The following AGAP1 variants were observed in gnomAD, a reference collection of about 807,000 sequenced individuals.
The protein encoded by AGAP1 is ArfGAP with GTPase domain, ankyrin repeat and PH domain 1.
Under a neutral mutation model 105.3 loss-of-function variants are expected in AGAP1, and 29 were observed. That is an observed-to-expected ratio of 0.28 (90% CI 0.21 to 0.38). The LOEUF is 0.38. AGAP1 is among the 10% of genes least tolerant of loss of function. AGAP1 has a pLI of 1.00. For synonymous variants in AGAP1, 509 were observed against 485.9 expected, an observed-to-expected ratio of 1.05 and a Z score of -0.63; for missense variants, 998 against 1,165.1, an observed-to-expected ratio of 0.86 and a Z score of 2.09.
rs139955516 is a variant in AGAP1 at position 235,729,222 on chromosome 2, G to A, written c.310+11578G>A. Among the ~76,000 whole-genome samples the A allele has an allele frequency of 4.1e-3, 620 of 152,240 alleles. 7 individuals carry two copies. The highest frequency in any genetic ancestry group is 0.014 in the African/African-American group (576 of 41,486). On this transcript the variant is annotated intron_variant, in intron 3 of 17. Transcript: ENST00000304032. This position sits in a 1 kb window ranked among gnomAD's most constrained non-coding sequence, Gnocchi z 5.0. ...TGAAGCCCCCTGCACTAACTAGGGC[G>A]TGTGCCCCTTGAGGAGCCGCATCCG...
At chr2:235,987,276 G>C (rs2055355133) in intron 13 of AGAP1, among the ~76,000 whole-genome samples, 1 of 151,904 alleles carries the variant, frequency 6.6e-6, no homozygotes, top group African/African-American at 2.4e-5. Flanking sequence ...AGATTTTCTA[G>C]TTTATTTGCA....
chr2:236,118,539 G>A (rs2059826825), intron 16 of AGAP1, among the ~76,000 whole-genome samples: 1 of 151,848 alleles, frequency 6.6e-6, no homozygotes, highest in South Asian at 2.1e-4. Flanking sequence ...ACAGGCGCCT[G>A]CCACCACACC....
chr2:235,774,782 A>T (rs1955734367), intron 6 of AGAP1, among the ~76,000 whole-genome samples: 1 of 152,172 alleles, frequency 6.6e-6, no homozygotes, highest in Non-Finnish European at 1.5e-5. Flanking sequence ...TAAAGTAATT[A>T]CTAACCTTTT....
At chr2:235,910,214 A>ATGGTGT (rs2051513092) in intron 11 of AGAP1, among the ~76,000 whole-genome samples, 1 of 5,666 alleles carries the variant, frequency 1.8e-4, no homozygotes, top group African/African-American at 1.8e-3. Context: ...GCTCCGCTGC[A>ATGGTGT]TAGTGTTAGG....
intron 13 of AGAP1, among the ~76,000 whole-genome samples, chr2:236,025,914 GGATGGATGGA>G (rs2057037354): frequency 2.2e-5 from 3 of 139,238 alleles, no homozygotes; most frequent in African/African-American, 5.4e-5. Flanking sequence ...GTGGGTGGAT[GGATGGATGGA>G]TGGATGGATG....
rs989557102 is a variant in AGAP1 at position 235,515,995 on chromosome 2, A to G, written c.163+21146A>G. Among the ~76,000 whole-genome samples, 3 of 151,974 alleles carry G rather than the reference A, an allele frequency of 2.0e-5. 1 individual carries two copies. The South Asian group carries it at 6.3e-4, about 32-fold the overall frequency. On this transcript the variant is annotated intron_variant, in intron 1 of 17. Coordinates refer to ENST00000304032, the MANE Select transcript of AGAP1 (RefSeq NM_001037131.3). Reference sequence around the variant, plus strand: ...GTAGCCCAGTCCTCCGAGTATCGTGACAGGTGGCTGGGTGCCTCAGTGCTC... The same window carrying G: ...GTAGCCCAGTCCTCCGAGTATCGTGGCAGGTGGCTGGGTGCCTCAGTGCTC...
chr2:236,043,771 C>T (rs1399712647), intron 15 of AGAP1, among the ~76,000 whole-genome samples: 1 of 151,056 alleles, frequency 6.6e-6, no homozygotes, highest in Non-Finnish European at 1.5e-5. Context: ...AAAGAAACTT[C>T]ATAATGTGTT....
chr2:236,069,832 G>C (rs952716596), intron 16 of AGAP1, among the ~76,000 whole-genome samples: 2 of 152,240 alleles, frequency 1.3e-5, no homozygotes, highest in Admixed American at 6.5e-5. Flanking sequence ...CTAGGGGATA[G>C]GGTTCTGATT....
chr2:235,944,210 G>A (rs887124307), intron 12 of AGAP1, among the ~76,000 whole-genome samples: 1 of 152,008 alleles, frequency 6.6e-6, no homozygotes, highest in African/African-American at 2.4e-5. Flanking sequence ...TAATTACATT[G>A]AGAAAACAGA....
At chr2:235,844,785 CAT>C (rs1241851323) in intron 9 of AGAP1, among the ~76,000 whole-genome samples, 1 of 152,210 alleles carries the variant, frequency 6.6e-6, no homozygotes, top group East Asian at 1.9e-4. Context: ...TGGTCCAAGA[CAT>C]AGCGTTGGTG....
In AGAP1 at chr2:235,612,080, G is replaced by A. The variant is rs1037329060; in HGVS notation, c.164-97099G>A. 2.6e-5 allele frequency among the ~76,000 whole-genome samples: 4 copies of A among 152,222 alleles called. No individual in the cohort carries two copies. Among genetic ancestry groups the A allele is most frequent in the African/African-American group, 9.6e-5 (4 of 41,468 alleles). On this transcript the variant is annotated intron_variant, in intron 1 of 17. Transcript: ENST00000304032. This position sits in a 1 kb window ranked among gnomAD's most constrained non-coding sequence, Gnocchi z 4.3. ...GTCTCACTGGAGAACAATCAGACAT[G>A]CTTTATTTTCTACTTGTAATCGTAA... is the stretch of plus-strand genomic sequence containing the variant.
At position 235,664,348 on chromosome 2, in the gene AGAP1, A is replaced by G. The variant is rs148242098; in HGVS notation, c.164-44831A>G. Among the ~76,000 whole-genome samples, 759 of 151,994 alleles carry G rather than the reference A, an allele frequency of 5.0e-3. 4 individuals carry two copies. The highest frequency in any genetic ancestry group is 0.017 in the African/African-American group (691 of 41,420). On this transcript the variant is annotated intron_variant, in intron 1 of 17. Transcript: ENST00000304032. The surrounding 1 kb of genome is among the most constrained non-coding windows in gnomAD (Gnocchi z 5.7). ...TACCTCAGCCCCCCAGGTAGCTGGG[A>G]TTACAGGTGCACACCACCACGCCCA...
chr2:235,807,031 G>C (rs1316707278), intron 8 of AGAP1, among the ~76,000 whole-genome samples: 1 of 152,004 alleles, frequency 6.6e-6, no homozygotes, highest in Non-Finnish European at 1.5e-5. Context: ...GGAAAAGTCA[G>C]GGGGAAAGTT....
rs2051045998 is a variant in AGAP1 at position 235,901,181 on chromosome 2, G to C, written c.1156-7557G>C. Reference sequence around the variant, plus strand: ...GAACGTTTGCTTGATCTTTTTGAATGGGTGGTCCTATATATGTCTTTATGA... The same window carrying C: ...GAACGTTTGCTTGATCTTTTTGAATCGGTGGTCCTATATATGTCTTTATGA... On this transcript the variant is annotated intron_variant, in intron 10 of 17. Coordinates refer to ENST00000304032, the MANE Select transcript of AGAP1 (RefSeq NM_001037131.3). This position sits in a 1 kb window ranked among gnomAD's most constrained non-coding sequence, Gnocchi z 4.3. 6.6e-6 allele frequency among the ~76,000 whole-genome samples: 1 copy of C among 152,144 alleles called. No homozygotes were observed. The highest frequency in any genetic ancestry group is 2.1e-4 in the South Asian group (1 of 4,836).
intron 12 of AGAP1, among the ~76,000 whole-genome samples, chr2:235,942,671 T>TG (rs1306652743): frequency 1.0e-5 from 1 of 95,310 alleles, no homozygotes; most frequent in Non-Finnish European, 2.1e-5. Flanking sequence ...AAACTCTGTC[T>TG]AAAAAAAAAA....
At position 235,631,143 on chromosome 2, in the gene AGAP1, C is replaced by A. The variant is rs747626264; in HGVS notation, c.164-78036C>A. On this transcript the variant is annotated intron_variant, in intron 1 of 17. Coordinates refer to ENST00000304032, the MANE Select transcript of AGAP1 (RefSeq NM_001037131.3). The surrounding 1 kb of genome is among the most constrained non-coding windows in gnomAD (Gnocchi z 5.4). Reference sequence around the variant, plus strand: ...ACACACTCAGGGAAAATCCACAGGACGAGGGCTGATGTTAGCAGGGTTCAT... The same window carrying A: ...ACACACTCAGGGAAAATCCACAGGAAGAGGGCTGATGTTAGCAGGGTTCAT... 6.6e-6 allele frequency among the ~76,000 whole-genome samples: 1 copy of A among 152,134 alleles called. No individual in the cohort carries two copies. Among genetic ancestry groups the A allele is most frequent in the Admixed American group, 6.5e-5 (1 of 15,276 alleles).
At chr2:235,903,964 C>T (rs573704526) in intron 10 of AGAP1, among the ~76,000 whole-genome samples, 1 of 152,056 alleles carries the variant, frequency 6.6e-6, no homozygotes, top group South Asian at 2.1e-4. Context: ...CCAAAGGCAG[C>T]CCCACAGAAG....
At chr2:235,785,439 T>C (rs555581965) in intron 6 of AGAP1, among the ~76,000 whole-genome samples, 15 of 152,376 alleles carry the variant, frequency 9.8e-5, no homozygotes, top group Non-Finnish European at 1.9e-4. Context: ...TCAAGGTTCC[T>C]GATTTCAAAA....
intron 6 of AGAP1, among the ~76,000 whole-genome samples, chr2:235,795,566 A>G (rs901007693): frequency 6.6e-6 from 1 of 152,178 alleles, no homozygotes; most frequent in Non-Finnish European, 1.5e-5. Flanking sequence ...AGCAGTCCGT[A>G]TATTTTAGAA....
Sources: gnomAD v4.1 joint callset for allele counts (sites outside exome capture counted in the v4.1 genomes callset) on GRCh38, gnomAD v4.1.1 for gene constraint, Gnocchi (gnomAD v3.1) non-coding constraint, MANE v1.5 for transcripts, NCBI Gene and HGNC (gene_info 2026-07-23, HGNC 2026-07-21) for gene names.